The following SSR2 variants were observed in gnomAD, a reference collection of about 807,000 sequenced individuals.
The protein encoded by SSR2 is translocon-associated protein subunit beta.
A neutral mutation model predicts 22.6 loss-of-function variants in SSR2; 16 were observed. That is an observed-to-expected ratio of 0.71 (90% CI 0.48 to 1.08). The LOEUF (loss-of-function observed/expected upper bound fraction) is 1.08. SSR2 is among the 50% of genes least tolerant of loss of function. SSR2 has a pLI of 0.00. For synonymous variants in SSR2, 83 were observed against 91.2 expected (o/e 0.91, Z 0.51); for missense variants, 171 against 221.6 (o/e 0.77, Z 1.45).
chr1:156,010,053 T>C (rs1023242588), intron 5 of SSR2, among the ~76,000 whole-genome samples: 2 of 152,126 alleles, frequency 1.3e-5, no homozygotes, highest in Non-Finnish European at 2.9e-5. Context: ...ATTACAGGCA[T>C]GAGCCACCGC....
chr1:156,015,719 T>C (rs1238307298), intron 3 of SSR2, among the ~76,000 whole-genome samples: 1 of 146,924 alleles, frequency 6.8e-6, no homozygotes, highest in Non-Finnish European at 1.5e-5. Flanking sequence ...TGAGCCACCA[T>C]ATGGGGCCTA....
intron 3 of SSR2, among the ~76,000 whole-genome samples, chr1:156,016,447 A>G (rs1385897315): frequency 2.0e-5 from 3 of 152,000 alleles, no homozygotes; most frequent in Admixed American, 6.6e-5. Flanking sequence ...TGTGTTAGCC[A>G]GGATGGTCTC....
intron 4 of SSR2, chr1:156,012,583 A>G (rs1037989507): frequency 2.2e-6 from 1 of 456,170 alleles, no homozygotes; most frequent in Admixed American, 2.4e-5. Flanking sequence ...CAGAAATGAT[A>G]CCGGATGTGA....
intron 4 of SSR2, chr1:156,012,149 A>G (rs1046246812): frequency 6.6e-5 from 24 of 363,514 alleles, no homozygotes; most frequent in Non-Finnish European, 1.1e-4. Context: ...ATATTAAACA[A>G]GGTAGGCCAG....
rs2102727117 is a variant in SSR2 at position 156,020,893 on chromosome 1, G to A, written c.-6C>T. 6.4e-6 allele frequency: 3 copies of A among 471,262 alleles called. No individual in the cohort carries two copies. The highest frequency in any genetic ancestry group is 4.6e-5 in the South Asian group (3 of 64,562). 29.2% of individuals were successfully genotyped at this position (471,262 alleles called of 1,614,324 possible). A position where few individuals can be genotyped will look rare whatever the true frequency, so the allele number is the denominator to read the frequency against. On this transcript the variant is annotated 5_prime_UTR_variant, in exon 1 of 6. Transcript: ENST00000295702. Reference sequence around the variant, plus strand: ...CCCTAAGCCTCCGGACTTACCGTTGGCATCCCAAACGCCTTTCCGGAGCCA... The same window carrying A: ...CCCTAAGCCTCCGGACTTACCGTTGACATCCCAAACGCCTTTCCGGAGCCA...
chr1:156,014,421 T>C (rs182788210), intron 4 of SSR2: 3 of 152,430 alleles, frequency 2.0e-5, no homozygotes, highest in Admixed American at 6.5e-5. Context: ...GCATTTATCT[T>C]TTCTTTATGA....
chr1:156,020,502 G>T, intron 1 of SSR2: 1 of 310,122 alleles, frequency 3.2e-6, no homozygotes, highest in Non-Finnish European at 6.4e-6. Context: ...GGCCGATCTC[G>T]GACCTGCAGG....
At chr1:156,015,364 G>A (rs938557159) in intron 3 of SSR2, among the ~76,000 whole-genome samples, 3 of 151,126 alleles carry the variant, frequency 2.0e-5, no homozygotes, top group East Asian at 1.9e-4. Flanking sequence ...AAAATTAGCT[G>A]GGCATGGCAG....
chr1:156,020,859 G>T (rs1000022759), intron 1 of SSR2, 29 bp downstream of exon 1: 3 of 468,474 alleles, frequency 6.4e-6, no homozygotes, highest in South Asian at 4.7e-5. Context: ...CGCCTCTCCC[G>T]TTCGGACGCC....
At chr1:156,017,318 T>C (rs993537707) in intron 3 of SSR2, among the ~76,000 whole-genome samples, 2 of 152,140 alleles carry the variant, frequency 1.3e-5, no homozygotes, top group Non-Finnish European at 2.9e-5. Flanking sequence ...CTTTAAAAGG[T>C]CACCCAGATC....
rs1329000987 is a variant in SSR2 at position 156,020,042 on chromosome 1, C to T, written c.126G>A (p.Leu42=). ...RYAVEGRDLT[L]QYNIYNVGSS... ...AGCCAACATTGTAGATGTTGTACTG[C>T]AAGGTCAGGTCTCGTCCCTCCACGG... Residue 42 remains leucine, a synonymous_variant, in exon 2 of 6, where the codon TTG becomes TTA. Transcript: ENST00000295702. The T allele has an allele frequency of 1.2e-6, 2 of 1,614,108 alleles. No individual in the cohort carries two copies. The highest frequency in any genetic ancestry group is 8.5e-7 in the Non-Finnish European group (1 of 1,180,016).
intron 5 of SSR2, 89 bp from the exon 6 acceptor site, chr1:156,009,739 C>T (rs1682953697): frequency 2.5e-6 from 2 of 786,242 alleles, no homozygotes; most frequent in Admixed American, 2.8e-5. Context: ...AGAAAGGGAG[C>T]AGTCTAGCCC....
In SSR2 at chr1:156,011,845, G is replaced by A; in HGVS notation, c.406C>T (p.Gln136Ter). ...GAGAATCGCCTGTCAAACTCCCGCT[G>A]AGCCAGGATTCCTCCCTGTCCAGGT... Reference protein sequence around the residue: ...SAPGQGGILAQREFDRRFSPH... With the variant: ...SAPGQGGILA Residue 136 changes from glutamine to a stop codon, truncating the protein, a stop_gained, in exon 5 of 6, where the codon CAG (glutamine) becomes TAG (stop). Coordinates refer to ENST00000295702, the MANE Select transcript of SSR2 (RefSeq NM_003145.4). LOFTEE classifies it high-confidence loss of function. 1 of 1,614,060 alleles carries A rather than the reference G, an allele frequency of 6.2e-7. No homozygotes were observed. The highest frequency in any genetic ancestry group is 2.2e-5 in the East Asian group (1 of 44,870).
In SSR2 at chr1:156,020,123, A is replaced by G; in HGVS notation, c.45T>C (p.Thr15=). 1.2e-6 allele frequency: 2 copies of G among 1,614,144 alleles called. No individual in the cohort carries two copies. Among genetic ancestry groups the G allele is most frequent in the Non-Finnish European group, 1.7e-6 (2 of 1,180,016 alleles). The part of the protein sequence containing the change: ...SFVVLALFAV[T]QAEEGARLLA... ...AAAGCCTGGCTCCTTCCTCTGCTTG[A>G]GTGACAGCAAATAGAGCCAACACCA... The change falls in exon 2 of 6, where the codon ACT becomes ACC. Residue 15 remains threonine, a synonymous_variant. Transcript: ENST00000295702.
At chr1:156,018,087 T>G in intron 3 of SSR2, 183 bp downstream of exon 3, 1 of 527,700 alleles carries the variant, frequency 1.9e-6, no homozygotes, top group East Asian at 3.3e-5. Context: ...AGTATCCTCC[T>G]TCTTCATGTC....
intron 2 of SSR2, among the ~76,000 whole-genome samples, chr1:156,018,893 G>A (rs1683103072): frequency 6.6e-6 from 1 of 151,638 alleles, no homozygotes; most frequent in African/African-American, 2.4e-5. Flanking sequence ...AAATTAGCCA[G>A]GCATGGTGGT....
intron 3 of SSR2, among the ~76,000 whole-genome samples, chr1:156,017,288 G>C (rs565034979): frequency 9.9e-5 from 15 of 152,192 alleles, no homozygotes; most frequent in Non-Finnish European, 1.6e-4. Context: ...ATTAGAATAA[G>C]AGACTCACTG....
At position 156,015,296 on chromosome 1, in the gene SSR2, AG is replaced by A. The variant is rs1374769548; in HGVS notation, c.255-228del. On this transcript the variant is annotated intron_variant, in intron 3 of 5. Coordinates refer to ENST00000295702, the MANE Select transcript of SSR2 (RefSeq NM_003145.4). ...CGAGGCGGGTGGATTGGCTGAGTTC[AG>A]GAGTTCGAGAACAGCCTGGGCAACA... Among the ~76,000 whole-genome samples the A allele has an allele frequency of 3.3e-5, 5 of 151,736 alleles. No individual in the cohort carries two copies. In the East Asian group the frequency reaches 9.7e-4, roughly 29 times the overall value.
Position 156,020,134 on chromosome 1 carries a change from A to G in SSR2, c.34T>C (p.Phe12Leu), listed in dbSNP as rs1470750333. Residue 12 changes from phenylalanine to leucine, a missense_variant, in exon 2 of 6, where the codon TTT (phenylalanine) becomes CTT (leucine). Coordinates refer to ENST00000295702, the MANE Select transcript of SSR2 (RefSeq NM_003145.4). ...CCTTCCTCTGCTTGAGTGACAGCAA[A>G]TAGAGCCAACACCACAAATGACAGC... The part of the protein sequence containing the change: ...RLLSFVVLAL[F>L]AVTQAEEGAR... 1.9e-6 allele frequency: 3 copies of G among 1,614,010 alleles called. No individual in the cohort carries two copies. The highest frequency in any genetic ancestry group is 2.5e-6 in the Non-Finnish European group (3 of 1,180,028).
Sources: allele counts gnomAD v4.1 joint callset (sites outside exome capture counted in the v4.1 genomes callset), GRCh38; gene constraint gnomAD v4.1.1; transcripts MANE v1.5; gene names NCBI Gene and HGNC (gene_info 2026-07-23, HGNC 2026-07-21).